F13A1: variants seen among roughly 807,000 people sequenced by gnomAD.
F13A1 encodes the protein FSF, A subunit.
F13A1 carries 47 observed loss-of-function variants against 80.1 expected under a neutral mutation model. That is an observed-to-expected ratio of 0.59 (90% CI 0.46 to 0.75). The LOEUF (loss-of-function observed/expected upper bound fraction) is 0.75, where lower values mean the gene tolerates loss of function less well. Among genes scored for constraint, F13A1 ranks in the 30% least tolerant of loss-of-function variants. The probability of loss-of-function intolerance (pLI) is 0.00; values close to 1 mark genes in which losing one functional copy is unlikely to be tolerated. For synonymous variants in F13A1, 349 were observed against 344.9 expected, an observed-to-expected ratio of 1.01 and a Z score of -0.13; for missense variants, 817 against 930.4, an observed-to-expected ratio of 0.88 and a Z score of 1.59.
intron 3 of F13A1, among the ~76,000 whole-genome samples, chr6:6,275,414 G>A (rs190807608): frequency 6.6e-6 from 1 of 152,038 alleles, no homozygotes; most frequent in Non-Finnish European, 1.5e-5. Flanking sequence ...CTGTTGCCCA[G>A]GCTGGAGTGC....
At chr6:6,273,944 A>G (rs1583105252) in intron 3 of F13A1, among the ~76,000 whole-genome samples, 1 of 152,380 alleles carries the variant, frequency 6.6e-6, no homozygotes, top group East Asian at 1.9e-4. Context: ...ATCATGGATG[A>G]TAGCAACTAA....
intron 3 of F13A1, among the ~76,000 whole-genome samples, chr6:6,300,782 A>T (rs1212641649): frequency 5.3e-5 from 8 of 149,680 alleles, no homozygotes; most frequent in Non-Finnish European, 7.4e-5. Context: ...GATTCTTTTA[A>T]GTGCCCTTTA....
chr6:6,297,084 C>A (rs889580262), intron 3 of F13A1, among the ~76,000 whole-genome samples: 11 of 146,922 alleles, frequency 7.5e-5, no homozygotes, highest in African/African-American at 2.9e-4. Context: ...GCCTTGCATC[C>A]CAGGGATGAA....
intron 3 of F13A1, among the ~76,000 whole-genome samples, chr6:6,302,350 A>G: frequency 6.6e-6 from 1 of 152,232 alleles, no homozygotes; most frequent in East Asian, 1.9e-4. Context: ...ATAGAAACAA[A>G]GATGGTACAG....
chr6:6,268,148 T>C (rs1757871279), intron 3 of F13A1, among the ~76,000 whole-genome samples: 1 of 152,246 alleles, frequency 6.6e-6, no homozygotes, highest in African/African-American at 2.4e-5. Flanking sequence ...TATATTGATA[T>C]TGCCTACTAT....
intron 13 of F13A1, among the ~76,000 whole-genome samples, chr6:6,164,275 G>C (rs1760626694): frequency 6.6e-6 from 1 of 152,128 alleles, no homozygotes; most frequent in Non-Finnish European, 1.5e-5. Flanking sequence ...ATAGGTGGGA[G>C]CTAAATGAGG....
At chr6:6,205,886 A>ATTAG (rs1761478765) in intron 8 of F13A1, among the ~76,000 whole-genome samples, 1 of 152,198 alleles carries the variant, frequency 6.6e-6, no homozygotes, top group Non-Finnish European at 1.5e-5. Flanking sequence ...GTTTGCCATC[A>ATTAG]TTAGTTAGCA....
intron 12 of F13A1, among the ~76,000 whole-genome samples, chr6:6,170,672 A>G (rs1388633417): frequency 6.6e-6 from 1 of 152,110 alleles, no homozygotes; most frequent in Non-Finnish European, 1.5e-5. Context: ...AGGTACGGAG[A>G]GGTTTAAGTT....
rs572562655 is a variant in F13A1, at chr6:6,190,599, A to G, written c.1305+5198T>C. Reference sequence around the variant, plus strand: ...TGCCCCTTCTCAGATCTCCAGCTGCATGCTGGGAGAACCAGTGCTCTCTTC... The same window carrying G: ...TGCCCCTTCTCAGATCTCCAGCTGCGTGCTGGGAGAACCAGTGCTCTCTTC... On this transcript the variant is annotated intron_variant, in intron 10 of 14. Transcript: ENST00000264870. Among the ~76,000 whole-genome samples the G allele has an allele frequency of 4.8e-3, 735 of 151,644 alleles. 4 individuals carry two copies. The highest frequency in any genetic ancestry group is 0.011 in the African/African-American group (467 of 41,474).
At chr6:6,268,761 T>C (rs1305716556) in intron 3 of F13A1, among the ~76,000 whole-genome samples, 1 of 150,690 alleles carries the variant, frequency 6.6e-6, no homozygotes, top group Non-Finnish European at 1.5e-5. Flanking sequence ...TAGTCTCAGC[T>C]CACTGCAACC....
At position 6,159,341 on chromosome 6, in the gene F13A1, T is replaced by G. The variant is rs561451146; in HGVS notation, c.1909-7392A>C. On this transcript the variant is annotated intron_variant, in intron 13 of 14. Coordinates refer to ENST00000264870, the MANE Select transcript of F13A1 (RefSeq NM_000129.4). Reference sequence around the variant, plus strand: ...TCCAGGGTGTGAGCCGTAGGGAGACTGAAGAGGATTCTACTGTTAACCTCG... The same window carrying G: ...TCCAGGGTGTGAGCCGTAGGGAGACGGAAGAGGATTCTACTGTTAACCTCG... 8.5e-5 allele frequency among the ~76,000 whole-genome samples: 13 copies of G among 152,258 alleles called. No homozygotes were observed. The East Asian group carries it at 2.3e-3, about 27-fold the overall frequency.
At chr6:6,224,147 T>C (rs1275081993) in intron 7 of F13A1, among the ~76,000 whole-genome samples, 1 of 152,160 alleles carries the variant, frequency 6.6e-6, no homozygotes, top group Non-Finnish European at 1.5e-5. Flanking sequence ...CATTATGTTC[T>C]GATCTCTAAT....
chr6:6,256,091 G>T (rs1333073656), intron 4 of F13A1, among the ~76,000 whole-genome samples: 1 of 152,206 alleles, frequency 6.6e-6, no homozygotes, highest in East Asian at 1.9e-4. Flanking sequence ...GCTTCAGAGC[G>T]GTGGGGTTTC....
chr6:6,291,368 T>C (rs564482232), intron 3 of F13A1, among the ~76,000 whole-genome samples: 9 of 152,210 alleles, frequency 5.9e-5, no homozygotes, highest in African/African-American at 2.2e-4. Context: ...CTGAAACAAA[T>C]ACTGAAATTG....
chr6:6,283,900 C>T lies in F13A1; in HGVS notation c.320-17091G>A, dbSNP rs1758100414. Among the ~76,000 whole-genome samples the T allele has an allele frequency of 2.6e-5, 4 of 152,172 alleles. No homozygotes were observed. The South Asian group carries it at 8.3e-4, about 32-fold the overall frequency. ...GAAGATAGAACTAACTGCTGAGGAG[C>T]AGAACAGCAGTGAGGTGTTCCACCC... On this transcript the variant is annotated intron_variant, in intron 3 of 14. Transcript: ENST00000264870.
intron 2 of F13A1, among the ~76,000 whole-genome samples, chr6:6,311,715 AATATATT>A (rs1758601192): frequency 7.0e-6 from 1 of 143,254 alleles, no homozygotes; most frequent in Non-Finnish European, 1.5e-5. Context: ...ATAAACAAAT[AATATATT>A]ACAAATATAT....
intron 11 of F13A1, among the ~76,000 whole-genome samples, chr6:6,178,799 G>A (rs1760928743): frequency 6.6e-6 from 1 of 152,208 alleles, no homozygotes; most frequent in South Asian, 2.1e-4. Flanking sequence ...TAGAAACAAA[G>A]AAAAGACAGA....
At chr6:6,316,519 C>T (rs1000404319) in intron 2 of F13A1, among the ~76,000 whole-genome samples, 16 of 152,084 alleles carry the variant, frequency 1.1e-4, no homozygotes, top group African/African-American at 3.9e-4. Flanking sequence ...CAGAAATCAA[C>T]AAAAGCAGTA....
At chr6:6,252,698 A>C (rs1208514956) in intron 4 of F13A1, among the ~76,000 whole-genome samples, 2 of 152,232 alleles carry the variant, frequency 1.3e-5, no homozygotes, top group African/African-American at 4.8e-5. Context: ...TACAAAATGA[A>C]CACATACAAA....
Sources: allele counts gnomAD v4.1 joint callset (sites outside exome capture counted in the v4.1 genomes callset), GRCh38; gene constraint gnomAD v4.1.1; transcripts MANE v1.5; gene names NCBI Gene and HGNC (gene_info 2026-07-23, HGNC 2026-07-21).